USP10: variants seen among roughly 807,000 people sequenced by gnomAD.
The protein encoded by USP10 is ubiquitin carboxyl-terminal hydrolase 10.
In USP10, 22 loss-of-function variants were observed where a neutral mutation model predicts 84.5. The ratio of observed to expected loss-of-function variants is 0.26; its 90% CI spans 0.19 to 0.37. The LOEUF is 0.37. USP10 is among the 10% of genes least tolerant of loss of function. The probability of loss-of-function intolerance (pLI) is 1.00; values close to 1 mark genes in which losing one functional copy is unlikely to be tolerated. For missense variants in USP10, 1,019 were observed against 998.9 expected, an observed-to-expected ratio of 1.02 and a Z score of -0.27; for synonymous variants, 454 against 387.6, an observed-to-expected ratio of 1.17 and a Z score of -2.01.
At chr16:84,770,844 G>A (rs2150869172) in intron 11 of USP10, among the ~76,000 whole-genome samples, 1 of 151,256 alleles carries the variant, frequency 6.6e-6, no homozygotes, top group South Asian at 2.1e-4. Context: ...GAGGCAGGCG[G>A]ATCACAAAGT....
chr16:84,759,755 A>C lies in USP10; in HGVS notation c.1395-136A>C. On this transcript the variant is annotated intron_variant, in intron 6 of 13. Coordinates refer to ENST00000219473, the MANE Select transcript of USP10 (RefSeq NM_005153.3). ...ATGCATATAGAAGAGACTTGAGTTC[A>C]CTAGCTGTTACAGCATTGGTTACCT... The C allele has an allele frequency of 4.5e-6, 4 of 890,676 alleles. No homozygotes were observed. The South Asian group carries it at 6.1e-5, about 14-fold the overall frequency. 55.2% of individuals were successfully genotyped at this position (890,676 alleles called of 1,614,324 possible).
intron 1 of USP10, among the ~76,000 whole-genome samples, chr16:84,729,311 T>G (rs1908908781): frequency 6.6e-6 from 1 of 152,248 alleles, no homozygotes; most frequent in Non-Finnish European, 1.5e-5. Context: ...TTTTTCAAAA[T>G]GTGCATTGCA....
chr16:84,708,628 T>C (rs1905865111), intron 1 of USP10, among the ~76,000 whole-genome samples: 1 of 152,248 alleles, frequency 6.6e-6, no homozygotes, highest in South Asian at 2.1e-4. Context: ...TTCAAAATCA[T>C]GTTTTTGTCT....
chr16:84,758,697 T>G lies in USP10; in HGVS notation c.1193-19T>G, dbSNP rs373429156. On this transcript the variant is annotated intron_variant, in intron 4 of 13. Transcript: ENST00000219473. ...CTAGATGTCATCAATTTCTGAAATA[T>G]GCTTCTTCACTCTTTCAGAGTTGCT... The G allele has an allele frequency of 1.3e-6, 2 of 1,553,452 alleles. No homozygotes were observed. The highest frequency in any genetic ancestry group is 3.3e-5 in the Admixed American group (2 of 59,904).
chr16:84,701,496 T>C (rs1904853171), intron 1 of USP10, among the ~76,000 whole-genome samples: 1 of 152,200 alleles, frequency 6.6e-6, no homozygotes, highest in African/African-American at 2.4e-5. Context: ...AGATTTGATA[T>C]TTGCTTTTTT....
In USP10 at chr16:84,749,668, A is replaced by G. The variant is rs140062590; in HGVS notation, c.1192+3995A>G. Among the ~76,000 whole-genome samples the G allele has an allele frequency of 5.2e-3, 790 of 152,214 alleles. 12 individuals are homozygous for G. The highest frequency in any genetic ancestry group is 0.018 in the African/African-American group (749 of 41,532). On this transcript the variant is annotated intron_variant, in intron 4 of 13. Transcript: ENST00000219473. ...TTTCAAATACTCACATTTCTGGACTATTTCCCCTATTGTTAAGTCTGCTTA... is the reference window on the plus strand; with the variant it reads ...TTTCAAATACTCACATTTCTGGACTGTTTCCCCTATTGTTAAGTCTGCTTA...
chr16:84,719,930 ATTC>A (rs1303884110), intron 1 of USP10, among the ~76,000 whole-genome samples: 2 of 152,292 alleles, frequency 1.3e-5, no homozygotes, highest in East Asian at 3.9e-4. Context: ...CACTTTTTGC[ATTC>A]TTTTATTTTC....
intron 1 of USP10, among the ~76,000 whole-genome samples, chr16:84,719,087 C>G (rs909600127): frequency 7.9e-5 from 12 of 152,046 alleles, no homozygotes; most frequent in African/African-American, 2.7e-4. Flanking sequence ...CCACCGCGCC[C>G]GGCCAGTTTA....
At chr16:84,756,621 A>G (rs1912576098) in intron 4 of USP10, among the ~76,000 whole-genome samples, 2 of 152,292 alleles carry the variant, frequency 1.3e-5, no homozygotes, top group South Asian at 2.1e-4. Flanking sequence ...TGTTAGAAAG[A>G]TAGCAGGCTT....
chr16:84,761,022 C>T (rs1352437964), intron 8 of USP10, among the ~76,000 whole-genome samples: 1 of 152,158 alleles, frequency 6.6e-6, no homozygotes. Flanking sequence ...CAGGATACCA[C>T]CAGGGGTAGC....
At chr16:84,710,414 C>G (rs986544403) in intron 1 of USP10, among the ~76,000 whole-genome samples, 2 of 152,098 alleles carry the variant, frequency 1.3e-5, no homozygotes, top group Non-Finnish European at 2.9e-5. Flanking sequence ...GCATCTTAAG[C>G]CTCATAACTT....
intron 4 of USP10, among the ~76,000 whole-genome samples, chr16:84,746,200 GT>G (rs775313043): frequency 7.9e-5 from 12 of 151,850 alleles, no homozygotes; most frequent in Admixed American, 1.3e-4. Flanking sequence ...CAAAGTTAAT[GT>G]TTTATTTTAG....
intron 1 of USP10, among the ~76,000 whole-genome samples, chr16:84,713,268 C>G (rs971642924): frequency 6.6e-6 from 1 of 152,152 alleles, no homozygotes. Flanking sequence ...TGTCTGTCCC[C>G]GAGACCCTCT....
intron 1 of USP10, chr16:84,716,331 G>C (rs1907011839): frequency 6.6e-6 from 1 of 152,302 alleles, no homozygotes; most frequent in African/African-American, 2.4e-5. Context: ...TCTGTGCCTT[G>C]AGGTCAGCCT....
At chr16:84,705,350 G>A (rs963377108) in intron 1 of USP10, among the ~76,000 whole-genome samples, 1 of 151,994 alleles carries the variant, frequency 6.6e-6, no homozygotes, top group African/African-American at 2.4e-5. Flanking sequence ...TCCTGCCTCA[G>A]CCTCCTGAGT....
chr16:84,742,415 C>T (rs1210798588), intron 3 of USP10, among the ~76,000 whole-genome samples: 3 of 152,218 alleles, frequency 2.0e-5, no homozygotes, highest in Non-Finnish European at 4.4e-5. Context: ...TTGTATTTGT[C>T]TCCCTAATAA....
At chr16:84,701,696 T>C (rs192107861) in intron 1 of USP10, among the ~76,000 whole-genome samples, 19 of 152,356 alleles carry the variant, frequency 1.2e-4, no homozygotes. Flanking sequence ...TTAATGGGGA[T>C]GGATAATATG....
At chr16:84,748,904 T>G (rs16974515) in intron 4 of USP10, among the ~76,000 whole-genome samples, 35,296 of 152,190 alleles carry the variant, frequency 0.23, 4,399 homozygotes, top group East Asian at 0.37. Flanking sequence ...TGTGGACATA[T>G]TGTAAACCCC....
At chr16:84,725,422 G>A (rs528403622) in intron 1 of USP10, among the ~76,000 whole-genome samples, 12 of 151,798 alleles carry the variant, frequency 7.9e-5, no homozygotes, top group African/African-American at 2.4e-4. Flanking sequence ...TTTTTGAGAC[G>A]GAGTTTTGCT....
Sources: gnomAD v4.1 joint callset for allele counts (sites outside exome capture counted in the v4.1 genomes callset) on GRCh38, gnomAD v4.1.1 for gene constraint, MANE v1.5 for transcripts, NCBI Gene and HGNC (gene_info 2026-07-23, HGNC 2026-07-21) for gene names.